Variants in JAK2 observed in about 807,000 individuals in gnomAD.
JAK2 encodes tyrosine-protein kinase JAK2.
In JAK2, 86 loss-of-function variants were observed where a neutral mutation model predicts 139.3. The observed-to-expected ratio is 0.62, with a 90% confidence interval of 0.52 to 0.74. JAK2 has a LOEUF of 0.74. Ranked by LOEUF, JAK2 falls within the 30% of genes least tolerant of loss-of-function variation. The pLI is 0.00. For synonymous variants in JAK2, 490 were observed against 437.7 expected (o/e 1.12, Z -1.49); for missense variants, 1,421 against 1,360.3 (o/e 1.04, Z -0.70).
chr9:5,111,029 T>G, intron 22 of JAK2: 1 of 861,740 alleles, frequency 1.2e-6, no homozygotes, highest in Non-Finnish European at 1.8e-6. Flanking sequence ...CCCGCCTCCC[T>G]GGCCGGGGCG....
Position 5,069,032 on chromosome 9 carries a change from T to G in JAK2, c.1337T>G (p.Val446Gly), listed in dbSNP as rs764362884. ...ATTAAACTTATACAGCGAGAAAATG[T>G]CATTGAATATAAACACTGTTTGATT... Reference protein sequence around the residue: ...FLTFAVERENVIEYKHCLITK... With the variant: ...FLTFAVERENGIEYKHCLITK... The change falls in exon 11 of 25, where the codon GTC becomes GGC. Residue 446 changes from valine to glycine, a missense_variant. Physicochemically the swap from Val to Gly is moderately radical, Grantham distance 109. Transcript: ENST00000381652. 8 of 1,576,752 alleles carry G rather than the reference T, an allele frequency of 5.1e-6. No individual in the cohort carries two copies. Among genetic ancestry groups the G allele is most frequent in the Non-Finnish European group, 6.0e-6 (7 of 1,158,360 alleles).
At chr9:5,116,902 G>T (rs1271258230) in intron 22 of JAK2, among the ~76,000 whole-genome samples, 2 of 152,296 alleles carry the variant, frequency 1.3e-5, no homozygotes, top group East Asian at 3.9e-4. Context: ...TTAAGGTACT[G>T]GGAAAACATA....
At chr9:5,089,222 A>G (rs978608449) in intron 19 of JAK2, among the ~76,000 whole-genome samples, 1 of 152,162 alleles carries the variant, frequency 6.6e-6, no homozygotes, top group Non-Finnish European at 1.5e-5. Flanking sequence ...TTCTTGTTCT[A>G]AGAGTTCCTT....
chr9:5,122,183 T>C (rs929917884), intron 22 of JAK2, among the ~76,000 whole-genome samples: 13 of 152,146 alleles, frequency 8.5e-5, no homozygotes, highest in Non-Finnish European at 1.5e-5. Context: ...TTCACATTTT[T>C]AATATCAGTC....
At chr9:5,041,888 G>T (rs1408860716) in intron 4 of JAK2, 7 of 423,800 alleles carry the variant, frequency 1.7e-5, no homozygotes, top group African/African-American at 1.5e-4. Flanking sequence ...GCGCCCATCA[G>T]GGCGCCTGCA....
chr9:5,086,565 C>A (rs1210318252), intron 19 of JAK2, among the ~76,000 whole-genome samples: 1 of 152,112 alleles, frequency 6.6e-6, no homozygotes, highest in Non-Finnish European at 1.5e-5. Flanking sequence ...TTACCTCCTG[C>A]CATTATTTTG....
intron 4 of JAK2, among the ~76,000 whole-genome samples, chr9:5,037,214 C>T (rs1053454990): frequency 7.9e-5 from 12 of 152,096 alleles, no homozygotes; most frequent in Non-Finnish European, 1.8e-4. Flanking sequence ...ACAACAGGTG[C>T]TGGAGAGGAT....
intron 22 of JAK2, among the ~76,000 whole-genome samples, chr9:5,115,021 T>C (rs1316073197): frequency 6.6e-6 from 1 of 152,150 alleles, no homozygotes; most frequent in Non-Finnish European, 1.5e-5. Flanking sequence ...AAGGACTTCA[T>C]GACTAAAACA....
chr9:5,009,783 T>C (rs1821564978), intron 2 of JAK2, among the ~76,000 whole-genome samples: 1 of 152,108 alleles, frequency 6.6e-6, no homozygotes, highest in Admixed American at 6.6e-5. Context: ...AAATTTTTTT[T>C]TTTTGCAGTC....
intron 3 of JAK2, among the ~76,000 whole-genome samples, chr9:5,025,374 T>C (rs1227670116): frequency 6.6e-6 from 1 of 152,218 alleles, no homozygotes; most frequent in Non-Finnish European, 1.5e-5. Context: ...TGGAATTGTC[T>C]TTCATGTTTG....
chr9:5,035,858 A>G (rs892444695), intron 4 of JAK2, among the ~76,000 whole-genome samples: 6 of 152,220 alleles, frequency 3.9e-5, no homozygotes, highest in Admixed American at 2.6e-4. Flanking sequence ...CCTATTCAAC[A>G]TAGTGTTGGA....
chr9:5,038,093 G>T (rs1816200143), intron 4 of JAK2, among the ~76,000 whole-genome samples: 1 of 152,084 alleles, frequency 6.6e-6, no homozygotes, highest in African/African-American at 2.4e-5. Flanking sequence ...TTTTGAAAAG[G>T]CCATTAATGA....
chr9:5,088,237 C>T (rs1820285309), intron 19 of JAK2, among the ~76,000 whole-genome samples: 1 of 152,000 alleles, frequency 6.6e-6, no homozygotes, highest in African/African-American at 2.4e-5. Context: ...CTTGAGAGTC[C>T]TGGGTCTATC....
chr9:5,040,649 A>G (rs1227141623), intron 4 of JAK2, among the ~76,000 whole-genome samples: 1 of 152,276 alleles, frequency 6.6e-6, no homozygotes, highest in East Asian at 1.9e-4. Flanking sequence ...AAAGTAGGCA[A>G]GGGACTTGGA....
At chr9:4,998,535 A>C (rs370470199) in intron 2 of JAK2, among the ~76,000 whole-genome samples, 1 of 151,948 alleles carries the variant, frequency 6.6e-6, no homozygotes, top group Non-Finnish European at 1.5e-5. Flanking sequence ...GATTACAGGC[A>C]TGAGCCACCA....
chr9:5,111,033 C>A, intron 22 of JAK2: 2 of 882,288 alleles, frequency 2.3e-6, no homozygotes, highest in Non-Finnish European at 3.5e-6. Context: ...CCTCCCTGGC[C>A]GGGGCGCAAT....
intron 18 of JAK2, 128 bp downstream of exon 18, chr9:5,080,811 G>C (rs553430114): frequency 2.0e-4 from 112 of 560,620 alleles, no homozygotes; most frequent in African/African-American, 1.8e-3. Flanking sequence ...AATTTCTTAT[G>C]TTCATATGGC....
intron 8 of JAK2, among the ~76,000 whole-genome samples, chr9:5,064,013 G>T (rs983589835): frequency 6.6e-6 from 1 of 152,028 alleles, no homozygotes; most frequent in Non-Finnish European, 1.5e-5. Flanking sequence ...AAAATTAGCC[G>T]GGCGTCTTGG....
intron 22 of JAK2, chr9:5,100,998 T>C (rs1290166750): frequency 6.6e-6 from 1 of 152,274 alleles, no homozygotes; most frequent in African/African-American, 2.4e-5. Context: ...CATTTCCAAC[T>C]GAGGTACCTG....
Sources: gnomAD v4.1 joint callset for allele counts (sites outside exome capture counted in the v4.1 genomes callset) on GRCh38, gnomAD v4.1.1 for gene constraint, MANE v1.5 for transcripts, NCBI Gene and HGNC (gene_info 2026-07-23, HGNC 2026-07-21) for gene names.